RAP1GAP2: variants seen among roughly 807,000 people sequenced by gnomAD.
RAP1GAP2 encodes RAP1 GTPase activating protein 2.
A neutral mutation model predicts 95.0 loss-of-function variants in RAP1GAP2; 27 were observed. The observed-to-expected ratio is 0.28, with a 90% CI of 0.21 to 0.39. The LOEUF is 0.39. RAP1GAP2 is among the 10% of genes least tolerant of loss of function. The probability of loss-of-function intolerance (pLI) is 1.00; values close to 1 mark genes in which losing one functional copy is unlikely to be tolerated. For synonymous variants in RAP1GAP2, 373 were observed against 380.9 expected (o/e 0.98, Z 0.24); for missense variants, 771 against 970.0 (o/e 0.79, Z 2.72).
At position 2,966,570 on chromosome 17, in the gene RAP1GAP2, C is replaced by T. The variant is rs185865318; in HGVS notation, c.596+927C>T. The stretch of plus-strand genomic sequence containing the variant: ...TGGAGGGAATAAGGACATATAACCC[C>T]ACTTTGGGAAAGGTGGGGGTCCGTG... On this transcript the variant is annotated intron_variant, in intron 8 of 24. Transcript: ENST00000254695. 1.8e-3 allele frequency among the ~76,000 whole-genome samples: 275 copies of T among 152,290 alleles called. 1 individual carries two copies. The highest frequency in any genetic ancestry group is 6.5e-3 in the African/African-American group (269 of 41,570).
At chr17:3,019,374 A>T (rs1041591134) in intron 18 of RAP1GAP2, among the ~76,000 whole-genome samples, 2 of 152,084 alleles carry the variant, frequency 1.3e-5, no homozygotes, top group Non-Finnish European at 2.9e-5. Flanking sequence ...TTAGCTGAGC[A>T]TGGTGGCACG....
At chr17:2,853,916 A>G in intron 2 of RAP1GAP2, 2 of 977,054 alleles carry the variant, frequency 2.0e-6, no homozygotes, top group Non-Finnish European at 2.4e-6. Context: ...GCGCGGGCTC[A>G]GGGGCCGGGT....
intron 3 of RAP1GAP2, among the ~76,000 whole-genome samples, chr17:2,922,762 T>C (rs904718688): frequency 1.8e-4 from 27 of 152,148 alleles, no homozygotes; most frequent in African/African-American, 6.5e-4. Flanking sequence ...CAGTGAATCC[T>C]CATTGATTGA....
At chr17:2,813,911 C>T (rs1008428471) in intron 2 of RAP1GAP2, among the ~76,000 whole-genome samples, 5 of 151,762 alleles carry the variant, frequency 3.3e-5, no homozygotes, top group African/African-American at 1.2e-4. Flanking sequence ...TGCAGTGAGC[C>T]GAGATCGCAC....
chr17:3,023,461 A>G (rs1274239060), intron 19 of RAP1GAP2, among the ~76,000 whole-genome samples: 1 of 152,182 alleles, frequency 6.6e-6, no homozygotes, highest in African/African-American at 2.4e-5. Context: ...TTTTCTGCCT[A>G]TAGCCCTGGG....
chr17:2,976,604 T>G (rs1226650535), intron 8 of RAP1GAP2, among the ~76,000 whole-genome samples: 1 of 151,792 alleles, frequency 6.6e-6, no homozygotes, highest in Admixed American at 6.6e-5. Flanking sequence ...AAAAAAAGAT[T>G]AAATGAGTAA....
At position 2,963,264 on chromosome 17, in the gene RAP1GAP2, A is replaced by G. The variant is rs1435071678; in HGVS notation, c.247-166A>G. ...GGGTTCTGTCAGTTTGGAGAAGAAC[A>G]TGGGGGATGTTAGATTCCAGAGCTG... On this transcript the variant is annotated intron_variant, in intron 5 of 24. Coordinates refer to ENST00000254695, the MANE Select transcript of RAP1GAP2 (RefSeq NM_015085.5). This position sits in a 1 kb window ranked among gnomAD's most constrained non-coding sequence, Gnocchi z 4.8. 1.2e-4 allele frequency: 91 copies of G among 786,182 alleles called. No individual in the cohort carries two copies. In the East Asian group the frequency reaches 2.3e-3, roughly 20 times the overall value. 48.7% of individuals were successfully genotyped at this position (786,182 alleles called of 1,614,324 possible).
chr17:3,006,783 C>G (rs912000513), intron 16 of RAP1GAP2, among the ~76,000 whole-genome samples: 1 of 152,128 alleles, frequency 6.6e-6, no homozygotes, highest in Non-Finnish European at 1.5e-5. Flanking sequence ...TATTCTGTTC[C>G]CTGGGATATG....
intron 2 of RAP1GAP2, among the ~76,000 whole-genome samples, chr17:2,841,617 A>G (rs2071377885): frequency 6.6e-6 from 1 of 152,046 alleles, no homozygotes; most frequent in African/African-American, 2.4e-5. Context: ...ATTTGGGGAC[A>G]TTTTAAAAAG....
At chr17:3,017,951 G>GTC in intron 17 of RAP1GAP2, 110 bp from the exon 18 acceptor site, 1 of 953,582 alleles carries the variant, frequency 1.0e-6, no homozygotes, top group Non-Finnish European at 1.5e-6. Context: ...GTGTGTGTAT[G>GTC]TGTGCACGCA....
chr17:2,968,806 T>G (rs1329496175), intron 8 of RAP1GAP2, among the ~76,000 whole-genome samples: 1 of 152,106 alleles, frequency 6.6e-6, no homozygotes, highest in East Asian at 1.9e-4. Flanking sequence ...TTAAAGAAAG[T>G]AACTCAGAAT....
chr17:3,031,022 CA>C (rs1171620741), intron 23 of RAP1GAP2, 24 bp downstream of exon 23: 1 of 1,569,548 alleles, frequency 6.4e-7, no homozygotes, highest in African/African-American at 1.4e-5. Context: ...TCCCACACCC[CA>C]CACTCCACTT....
intron 17 of RAP1GAP2, among the ~76,000 whole-genome samples, chr17:3,009,801 G>A (rs1017510174): frequency 2.0e-5 from 3 of 152,138 alleles, no homozygotes; most frequent in African/African-American, 7.2e-5. Flanking sequence ...AGATCAAGAC[G>A]GAAGAGGGAT....
Position 2,972,778 on chromosome 17 carries a change from G to C in RAP1GAP2, c.596+7135G>C, listed in dbSNP as rs567786433. ...AGTAATTCACTATAGCCAAGAAAGA[G>C]TTATTTTACCAATGCAGGATGGTTA... is the stretch of plus-strand genomic sequence containing the variant. On this transcript the variant is annotated intron_variant, in intron 8 of 24. Transcript: ENST00000254695. Among the ~76,000 whole-genome samples the C allele has an allele frequency of 2.6e-5, 4 of 152,216 alleles. No individual in the cohort carries two copies. In the South Asian group the frequency reaches 8.3e-4, roughly 32 times the overall value.
At chr17:2,987,346 A>G (rs1187888212) in intron 11 of RAP1GAP2, among the ~76,000 whole-genome samples, 1 of 152,222 alleles carries the variant, frequency 6.6e-6, no homozygotes, top group Non-Finnish European at 1.5e-5. Flanking sequence ...TTAAACTTAC[A>G]TACATTTATT....
intron 2 of RAP1GAP2, among the ~76,000 whole-genome samples, chr17:2,844,144 C>T (rs1214944077): frequency 3.3e-5 from 5 of 151,962 alleles, no homozygotes; most frequent in South Asian, 2.1e-4. Flanking sequence ...CCTCAGCCTC[C>T]GGAGTAGCTG....
chr17:2,758,142 T>G (rs961136793), intron 1 of RAP1GAP2, among the ~76,000 whole-genome samples: 1 of 150,404 alleles, frequency 6.6e-6, no homozygotes, highest in Non-Finnish European at 1.5e-5. Flanking sequence ...GTGCTGGGAT[T>G]ACAGGCGTGA....
chr17:2,962,481 G>A (rs913785748), intron 4 of RAP1GAP2, 189 bp from the exon 5 acceptor site: 5 of 578,358 alleles, frequency 8.6e-6, no homozygotes, highest in Admixed American at 3.8e-5. Flanking sequence ...TTAGCCCAGC[G>A]GCGCTGTTGC....
chr17:2,936,414 C>T (rs1006289033), intron 3 of RAP1GAP2, among the ~76,000 whole-genome samples: 43 of 151,770 alleles, frequency 2.8e-4, no homozygotes, highest in African/African-American at 9.2e-4. Context: ...GGGCCTTCTC[C>T]GCCAGCCAGA....
Sources: allele counts gnomAD v4.1 joint callset (sites outside exome capture counted in the v4.1 genomes callset), GRCh38; gene constraint gnomAD v4.1.1; non-coding constraint Gnocchi (gnomAD v3.1); transcripts MANE v1.5; gene names NCBI Gene and HGNC (gene_info 2026-07-23, HGNC 2026-07-21).